Variants in GRIA4 observed in about 807,000 individuals in gnomAD.
GRIA4 encodes the protein glutamate receptor 4.
Under a neutral mutation model 104.0 loss-of-function variants are expected in GRIA4, and 34 were observed. The ratio of observed to expected loss-of-function variants is 0.33; its 90% CI spans 0.25 to 0.44. The LOEUF is 0.44. Among genes scored for constraint, GRIA4 ranks in the 20% least tolerant of loss-of-function variants. The pLI, the probability that GRIA4 is intolerant of heterozygous loss-of-function variation, is 1.00. For synonymous variants in GRIA4, 386 were observed against 381.9 expected (o/e 1.01, Z -0.13); for missense variants, 750 against 1,096.5 (o/e 0.68, Z 4.46).
chr11:105,930,634 C>CTA (rs1346100007), intron 13 of GRIA4, among the ~76,000 whole-genome samples: 2 of 152,092 alleles, frequency 1.3e-5, no homozygotes, highest in Non-Finnish European at 2.9e-5. Context: ...ATGCTGCATT[C>CTA]TATAGTTAAG....
chr11:105,666,219 T>C (rs1047405739), intron 3 of GRIA4, among the ~76,000 whole-genome samples: 3 of 152,024 alleles, frequency 2.0e-5, no homozygotes, highest in African/African-American at 4.8e-5. Context: ...AAAATTAAGA[T>C]AATTTATAAA....
intron 16 of GRIA4, among the ~76,000 whole-genome samples, 185 bp from the exon 17 acceptor site, chr11:105,979,390 C>T (rs1196186601): frequency 1.3e-5 from 2 of 152,174 alleles, no homozygotes; most frequent in East Asian, 3.9e-4. Flanking sequence ...TAGACAGATT[C>T]ATTCTTCGGT....
chr11:105,816,655 G>A (rs1943388947), intron 4 of GRIA4, among the ~76,000 whole-genome samples: 1 of 152,048 alleles, frequency 6.6e-6, no homozygotes, highest in Admixed American at 6.6e-5. Context: ...AATACATGAT[G>A]TCTCATAGTG....
At chr11:105,870,860 C>T (rs961874935) in intron 5 of GRIA4, among the ~76,000 whole-genome samples, 5 of 151,998 alleles carry the variant, frequency 3.3e-5, no homozygotes, top group South Asian at 2.1e-4. Context: ...GCCATAATTC[C>T]GATGACAACA....
At chr11:105,849,731 T>C (rs498871) in intron 4 of GRIA4, among the ~76,000 whole-genome samples, 5,275 of 152,216 alleles carry the variant, frequency 0.035, 314 homozygotes, top group African/African-American at 0.12. Flanking sequence ...CATACAACAG[T>C]GGTTATCCTT....
chr11:105,747,610 TAAATATA>T (rs1482718208), intron 3 of GRIA4, among the ~76,000 whole-genome samples: 1 of 152,144 alleles, frequency 6.6e-6, no homozygotes, highest in Non-Finnish European at 1.5e-5. Flanking sequence ...ACTGAAAGAA[TAAATATA>T]GAATATAGAA....
Position 105,698,164 on chromosome 11 carries a change from T to C in GRIA4, c.248-54817T>C, listed in dbSNP as rs1019037867. Among the ~76,000 whole-genome samples the C allele has an allele frequency of 1.4e-4, 21 of 152,312 alleles. 1 individual carries two copies. Among genetic ancestry groups the C allele is most frequent in the Admixed American group, 1.4e-3 (21 of 15,288 alleles). On this transcript the variant is annotated intron_variant, in intron 3 of 16. Transcript: ENST00000282499. ...TATTTTCACTTATTGTTATTGATAC[T>C]ACGTGCAAACAAATGAGGTTTTTAG...
At chr11:105,925,391 T>C (rs1048892856) in intron 12 of GRIA4, among the ~76,000 whole-genome samples, 11 of 152,146 alleles carry the variant, frequency 7.2e-5, no homozygotes, top group Non-Finnish European at 1.6e-4. Context: ...TAAGATATCA[T>C]TTAACCATTA....
At chr11:105,824,174 G>C (rs568937862) in intron 4 of GRIA4, among the ~76,000 whole-genome samples, 1 of 152,184 alleles carries the variant, frequency 6.6e-6, no homozygotes, top group African/African-American at 2.4e-5. Flanking sequence ...AGCCTTAGCA[G>C]ACCAATACAG....
chr11:105,752,925 A>G (rs1050708297), intron 3 of GRIA4, 56 bp from the exon 4 acceptor site: 2 of 1,549,696 alleles, frequency 1.3e-6, no homozygotes, highest in African/African-American at 1.4e-5. Context: ...GTAGACTTCA[A>G]AGTCAACAAT....
intron 13 of GRIA4, among the ~76,000 whole-genome samples, chr11:105,930,315 G>T (rs1465149646): frequency 6.6e-6 from 1 of 152,046 alleles, no homozygotes; most frequent in Non-Finnish European, 1.5e-5. Flanking sequence ...ATTTTCTAAA[G>T]ATTAGCATGG....
intron 14 of GRIA4, among the ~76,000 whole-genome samples, chr11:105,953,382 C>T (rs1565362611): frequency 6.6e-6 from 1 of 152,102 alleles, no homozygotes. Flanking sequence ...GCTCCATTCA[C>T]CTTTATCTGG....
At chr11:105,654,507 C>T (rs1251953511) in intron 3 of GRIA4, among the ~76,000 whole-genome samples, 1 of 151,946 alleles carries the variant, frequency 6.6e-6, no homozygotes, top group Non-Finnish European at 1.5e-5. Context: ...ATACTGTTAA[C>T]ATTTTGAACT....
At chr11:105,898,517 C>G in intron 7 of GRIA4, 90 bp downstream of exon 7, 1 of 804,454 alleles carries the variant, frequency 1.2e-6, no homozygotes, top group Non-Finnish European at 2.0e-6. Flanking sequence ...TAACATTTTG[C>G]CAAACATAGT....
intron 10 of GRIA4, among the ~76,000 whole-genome samples, chr11:105,915,942 T>C (rs1422533014): frequency 6.6e-6 from 1 of 152,074 alleles, no homozygotes; most frequent in African/African-American, 2.4e-5. Context: ...GCAGCACTTT[T>C]GGAGGCCGAA....
chr11:105,770,348 C>G (rs554824196), intron 4 of GRIA4, among the ~76,000 whole-genome samples: 521 of 152,154 alleles, frequency 3.4e-3, no homozygotes, highest in Non-Finnish European at 6.4e-3. Context: ...ATGTGTTGGT[C>G]AATATCTTTT....
intron 3 of GRIA4, among the ~76,000 whole-genome samples, chr11:105,710,850 A>G (rs1175850161): frequency 6.6e-6 from 1 of 152,168 alleles, no homozygotes; most frequent in African/African-American, 2.4e-5. Context: ...AAATGAATGG[A>G]TGATATTTAG....
At chr11:105,885,557 C>T (rs1946225710) in intron 5 of GRIA4, among the ~76,000 whole-genome samples, 1 of 152,200 alleles carries the variant, frequency 6.6e-6, no homozygotes, top group Admixed American at 6.5e-5. Flanking sequence ...GCTGATTGGT[C>T]ATTTAATGCT....
rs556288282 is a variant in GRIA4 at position 105,756,747 on chromosome 11, G to T, written c.487+3527G>T. On this transcript the variant is annotated intron_variant, in intron 4 of 16. Transcript: ENST00000282499. ...GAGTTTCCTTTTTTAAATCTTTTAT[G>T]AAGACTCTCAGGAAAAAAAAAAATC... Among the ~76,000 whole-genome samples, 19 of 104,556 alleles carry T rather than the reference G, an allele frequency of 1.8e-4. No homozygotes were observed. In the Admixed American group the frequency reaches 1.9e-3, roughly 11 times the overall value. The allele number at this position is 104,556 out of a possible 152,430, so 68.6% of individuals were successfully genotyped here. A position where few individuals can be genotyped will look rare whatever the true frequency, so the allele number is the denominator to read the frequency against.
Sources: allele counts gnomAD v4.1 joint callset (sites outside exome capture counted in the v4.1 genomes callset), GRCh38; gene constraint gnomAD v4.1.1; transcripts MANE v1.5; gene names NCBI Gene and HGNC (gene_info 2026-07-23, HGNC 2026-07-21).